The following FAM81A variants were observed in gnomAD, a reference collection of about 807,000 sequenced individuals.
The protein encoded by FAM81A is family with sequence similarity 81 member A.
In FAM81A, 19 loss-of-function variants were observed where a neutral mutation model predicts 46.7. The observed-to-expected ratio is 0.41, with a 90% confidence interval of 0.28 to 0.60. FAM81A has a LOEUF of 0.60. Ranked by LOEUF, FAM81A falls within the 20% of genes least tolerant of loss-of-function variation. The pLI is 0.34. For synonymous variants in FAM81A, 183 were observed against 152.9 expected (o/e 1.20, Z -1.45); for missense variants, 377 against 453.5 (o/e 0.83, Z 1.53).
intron 2 of FAM81A, among the ~76,000 whole-genome samples, chr15:59,430,458 G>T (rs2081215143): frequency 6.6e-6 from 1 of 151,914 alleles, no homozygotes; most frequent in African/African-American, 2.4e-5. Flanking sequence ...TAGAGATGGG[G>T]TTTCACCGTG....
rs750846213 is a variant in FAM81A at position 59,516,699 on chromosome 15, G to C, written c.841G>C (p.Asp281His). The part of the protein sequence containing the change: ...KKLSQMSARL[D>H]KIEEGQKKTF... ...GCTCAGCCAGATGTCAGCCAGGCTTGACAAAATAGAAGAGGGTCAAAAGAA... is the reference window on the plus strand; with the variant it reads ...GCTCAGCCAGATGTCAGCCAGGCTTCACAAAATAGAAGAGGGTCAAAAGAA... The change falls in exon 8 of 9, where the codon GAC becomes CAC. Residue 281 changes from aspartate (D) to histidine (H), a missense_variant. Physicochemically the swap from Asp to His is moderately conservative, Grantham distance 81. Coordinates refer to ENST00000288228, the MANE Select transcript of FAM81A (RefSeq NM_152450.3). 6.2e-7 allele frequency: 1 copy of C among 1,613,688 alleles called. No individual in the cohort carries two copies.
At chr15:59,470,683 T>G (rs1446792654) in intron 3 of FAM81A, among the ~76,000 whole-genome samples, 1 of 152,200 alleles carries the variant, frequency 6.6e-6, no homozygotes, top group Non-Finnish European at 1.5e-5. Flanking sequence ...TTGTTATTAC[T>G]GACCTTCTGA....
intron 3 of FAM81A, among the ~76,000 whole-genome samples, chr15:59,489,711 T>A (rs928170734): frequency 6.6e-6 from 1 of 152,068 alleles, no homozygotes; most frequent in Admixed American, 6.6e-5. Flanking sequence ...AATAGACACA[T>A]AGACCAATGG....
At chr15:59,469,317 G>C in intron 3 of FAM81A, among the ~76,000 whole-genome samples, 1 of 152,176 alleles carries the variant, frequency 6.6e-6, no homozygotes. Context: ...GGGTGTTAAA[G>C]TCTCCCATTA....
intron 6 of FAM81A, among the ~76,000 whole-genome samples, chr15:59,510,954 C>T (rs1434264788): frequency 6.6e-6 from 1 of 151,908 alleles, no homozygotes; most frequent in Non-Finnish European, 1.5e-5. Context: ...TCAAGACCAG[C>T]CTGGCCAACA....
At chr15:59,513,735 C>T (rs1228075159) in intron 6 of FAM81A, among the ~76,000 whole-genome samples, 2 of 151,984 alleles carry the variant, frequency 1.3e-5, no homozygotes, top group Non-Finnish European at 2.9e-5. Context: ...GGCATATACC[C>T]AAAGGAATAT....
intron 3 of FAM81A, among the ~76,000 whole-genome samples, chr15:59,489,707 CACAT>C (rs2081961922): frequency 6.6e-6 from 1 of 152,088 alleles, no homozygotes; most frequent in African/African-American, 2.4e-5. Flanking sequence ...TAAAAATAGA[CACAT>C]AGACCAATGG....
intron 8 of FAM81A, among the ~76,000 whole-genome samples, chr15:59,517,865 T>A (rs1423019680): frequency 4.6e-5 from 7 of 152,312 alleles, no homozygotes; most frequent in Admixed American, 2.0e-4. Flanking sequence ...TTATTTAACA[T>A]ACCATTGAGG....
rs1364158270 is a variant in FAM81A, at chr15:59,522,360, A to G, written c.*982A>G. The stretch of plus-strand genomic sequence containing the variant: ...AAAATAGAAAGTATGATAATCCGTC[A>G]GAAGTATGATGTAAAACTGGAATCC... On this transcript the variant is annotated 3_prime_UTR_variant, in exon 9 of 9. Coordinates refer to ENST00000288228, the MANE Select transcript of FAM81A (RefSeq NM_152450.3). 6.5e-6 allele frequency: 1 copy of G among 152,702 alleles called. No homozygotes were observed. Among genetic ancestry groups the G allele is most frequent in the Non-Finnish European group, 1.5e-5 (1 of 68,050 alleles). The allele number at this position is 152,702 out of a possible 1,614,324, so 9.5% of individuals were successfully genotyped here.
chr15:59,445,285 C>G (rs2081342462), intron 1 of FAM81A: 1 of 152,184 alleles, frequency 6.6e-6, no homozygotes, highest in Admixed American at 6.5e-5. Context: ...GCTGCCGTCG[C>G]TGAGTGTGGC....
At chr15:59,411,797 C>T (rs1221085974) in intron 2 of FAM81A, among the ~76,000 whole-genome samples, 1 of 152,136 alleles carries the variant, frequency 6.6e-6, no homozygotes. Flanking sequence ...CCTGTAGTCC[C>T]AGCTGAGTCT....
At chr15:59,506,763 C>T (rs2082153603) in intron 4 of FAM81A, among the ~76,000 whole-genome samples, 1 of 152,240 alleles carries the variant, frequency 6.6e-6, no homozygotes, top group African/African-American at 2.4e-5. Flanking sequence ...CTGCTCTACA[C>T]CCTACTCATA....
intron 6 of FAM81A, among the ~76,000 whole-genome samples, chr15:59,510,667 A>G (rs975017171): frequency 6.7e-6 from 1 of 150,232 alleles, no homozygotes; most frequent in African/African-American, 2.5e-5. Flanking sequence ...AGTCCCAGCT[A>G]CTCAGGAGGC....
chr15:59,421,816 A>C (rs1275175422), intron 2 of FAM81A, among the ~76,000 whole-genome samples: 3 of 150,852 alleles, frequency 2.0e-5, no homozygotes, highest in Non-Finnish European at 4.4e-5. Context: ...CCTACCAAAA[A>C]AGCATTGAGG....
At chr15:59,508,693 G>A (rs1158786829) in intron 5 of FAM81A, among the ~76,000 whole-genome samples, 170 bp from the exon 6 acceptor site, 1 of 152,128 alleles carries the variant, frequency 6.6e-6, no homozygotes, top group Admixed American at 6.5e-5. Flanking sequence ...TTTTCGATGG[G>A]TATATAAGAA....
chr15:59,435,956 A>T (rs1441153935), upstream of FAM81A, among the ~76,000 whole-genome samples: 1 of 152,214 alleles, frequency 6.6e-6, no homozygotes, highest in Non-Finnish European at 1.5e-5. Flanking sequence ...TGTGCATTAA[A>T]TTTTGTCCCC....
intron 4 of FAM81A, among the ~76,000 whole-genome samples, chr15:59,503,715 T>C (rs1278608871): frequency 6.6e-6 from 1 of 152,008 alleles, no homozygotes; most frequent in Non-Finnish European, 1.5e-5. Flanking sequence ...TGGGATTACA[T>C]GCGTGCACCA....
chr15:59,465,547 A>C (rs1596493799), intron 3 of FAM81A, among the ~76,000 whole-genome samples: 1 of 152,306 alleles, frequency 6.6e-6, no homozygotes, highest in East Asian at 1.9e-4. Flanking sequence ...TGCTGGGATT[A>C]CGGGCATGAG....
intron 6 of FAM81A, among the ~76,000 whole-genome samples, chr15:59,509,882 G>A (rs1359611164): frequency 6.6e-6 from 1 of 152,086 alleles, no homozygotes; most frequent in Non-Finnish European, 1.5e-5. Flanking sequence ...GGGGAGGTGG[G>A]CCAGCTCGCA....
Sources: gnomAD v4.1 joint callset for allele counts (sites outside exome capture counted in the v4.1 genomes callset) on GRCh38, gnomAD v4.1.1 for gene constraint, MANE v1.5 for transcripts, NCBI Gene and HGNC (gene_info 2026-07-23, HGNC 2026-07-21) for gene names.